The following COL17A1 variants were observed in gnomAD, a reference collection of about 807,000 sequenced individuals.
The protein encoded by COL17A1 is collagen alpha-1(XVII) chain.
COL17A1 carries 181 observed loss-of-function variants against 218.4 expected under a neutral mutation model. The observed-to-expected ratio is 0.83, with a 90% CI of 0.73 to 0.94. The LOEUF (loss-of-function observed/expected upper bound fraction) is 0.94. Ranked by LOEUF, COL17A1 falls within the 40% of genes least tolerant of loss-of-function variation. The pLI is 0.00. For synonymous variants in COL17A1, 721 were observed against 731.0 expected (o/e 0.99, Z 0.22); for missense variants, 1,924 against 1,945.9 (o/e 0.99, Z 0.21).
Position 104,049,488 on chromosome 10 carries a change from A to G in COL17A1, c.2165-17T>C. Reference sequence around the variant, plus strand: ...CAGGCTCGCCTGCAAAGGACAAAGAACTAGCTGGTTGGACACTTGCAAGCT... The same window carrying G: ...CAGGCTCGCCTGCAAAGGACAAAGAGCTAGCTGGTTGGACACTTGCAAGCT... On this transcript the variant is annotated splice_polypyrimidine_tract_variant and intron_variant, in intron 28 of 55. Coordinates refer to ENST00000648076, the MANE Select transcript of COL17A1 (RefSeq NM_000494.4). 3 of 1,614,118 alleles carry G rather than the reference A, an allele frequency of 1.9e-6. No homozygotes were observed. Among genetic ancestry groups the G allele is most frequent in the Non-Finnish European group, 2.5e-6 (3 of 1,179,930 alleles).
chr10:104,038,449 G>A lies in COL17A1; in HGVS notation c.3027C>T (p.Ser1009=), dbSNP rs1189020880. The A allele has an allele frequency of 6.2e-7, 1 of 1,614,106 alleles. No individual in the cohort carries two copies. Among genetic ancestry groups the A allele is most frequent in the South Asian group, 1.1e-5 (1 of 91,082 alleles). ...GPPGPPGSIS[S]SGQEIQQYIS... Reference sequence around the variant, plus strand: ...TGTACTGCTGAATCTCCTGGCCAGAGCTGCTGATAGAGCCCGGAGGCCCAG... The same window carrying A: ...TGTACTGCTGAATCTCCTGGCCAGAACTGCTGATAGAGCCCGGAGGCCCAG... Residue 1009 remains serine (S), a synonymous_variant, in exon 45 of 56, where the codon AGC becomes AGT. Coordinates refer to ENST00000648076, the MANE Select transcript of COL17A1 (RefSeq NM_000494.4).
At chr10:104,042,360 T>C (rs566332439) in intron 36 of COL17A1, 60 bp downstream of exon 36, 2 of 1,578,862 alleles carry the variant, frequency 1.3e-6, no homozygotes, top group Admixed American at 1.7e-5. Context: ...ATGTCCACCC[T>C]GAGAGGAAAG....
rs753945884 is a variant in COL17A1 at position 104,041,468 on chromosome 10, G to A, written c.2605+17C>T. The A allele has an allele frequency of 3.1e-6, 5 of 1,610,002 alleles. No homozygotes were observed. Among genetic ancestry groups the A allele is most frequent in the East Asian group, 2.2e-5 (1 of 44,662 alleles). On this transcript the variant is annotated intron_variant, in intron 37 of 55. Coordinates refer to ENST00000648076, the MANE Select transcript of COL17A1 (RefSeq NM_000494.4). Reference sequence around the variant, plus strand: ...CCCCCAAACTCCCCACCTTCCAAAGGTCTCCAAGATACTCACCTGGTGGCC... The same window carrying A: ...CCCCCAAACTCCCCACCTTCCAAAGATCTCCAAGATACTCACCTGGTGGCC...
At chr10:104,062,397 C>G in intron 11 of COL17A1, 68 bp from the exon 12 acceptor site, 1 of 1,605,478 alleles carries the variant, frequency 6.2e-7, no homozygotes, top group Non-Finnish European at 8.5e-7. Flanking sequence ...TAGGACGGCC[C>G]CCAGAGTCCC....
chr10:104,054,636 G>A (rs774771999), intron 20 of COL17A1, among the ~76,000 whole-genome samples: 2 of 152,166 alleles, frequency 1.3e-5, no homozygotes, highest in Non-Finnish European at 2.9e-5. Flanking sequence ...TGAACGTGGT[G>A]CTCAGTATTC....
At chr10:104,053,859 A>G (rs2086493823) in intron 22 of COL17A1, 61 bp downstream of exon 22, 1 of 985,694 alleles carries the variant, frequency 1.0e-6, no homozygotes, top group South Asian at 1.4e-5. Flanking sequence ...CACTTAATGA[A>G]TGTTTATTAA....
intron 35 of COL17A1, 149 bp downstream of exon 35, chr10:104,043,352 C>T: frequency 1.3e-6 from 1 of 749,180 alleles, no homozygotes; most frequent in Non-Finnish European, 2.4e-6. Flanking sequence ...TCTGAGAATG[C>T]AAGAGTTTGC....
At chr10:104,083,663 C>A (rs149187230) in intron 1 of COL17A1, among the ~76,000 whole-genome samples, 26 of 152,314 alleles carry the variant, frequency 1.7e-4, no homozygotes, top group Admixed American at 4.6e-4. Context: ...AACATACACA[C>A]ACACACAAGG....
Position 104,039,614 on chromosome 10 carries a change from T to C in COL17A1, c.2815A>G (p.Thr939Ala), listed in dbSNP as rs764009636. Residue 939 changes from threonine to alanine, a missense_variant, in exon 42 of 56, where the codon ACC becomes GCC. By Grantham distance (58) the Thr-to-Ala change is moderately conservative. Coordinates refer to ENST00000648076, the MANE Select transcript of COL17A1 (RefSeq NM_000494.4). ...QGEQGLPGFS[T>A]SGSSSFGLNL... is the part of the protein sequence containing the mutation. ...GGCGGGGTTCAGCCCTTACCTGAGG[T>C]TGAGAAACCTGGGAGGCCTTGCTCG... 17 of 1,613,920 alleles carry C rather than the reference T, an allele frequency of 1.1e-5. No individual in the cohort carries two copies. Among genetic ancestry groups the C allele is most frequent in the Admixed American group, 8.3e-5 (5 of 59,988 alleles).
intron 33 of COL17A1, 27 bp from the exon 34 acceptor site, chr10:104,043,887 T>G (rs750306019): frequency 3.7e-6 from 6 of 1,613,802 alleles, no homozygotes; most frequent in Non-Finnish European, 5.1e-6. Flanking sequence ...AGGCTGAGAG[T>G]GGTTGTTCTG....
chr10:104,076,459 G>A, intron 4 of COL17A1, 30 bp from the exon 5 acceptor site: 1 of 1,613,568 alleles, frequency 6.2e-7, no homozygotes, highest in Non-Finnish European at 8.5e-7. Flanking sequence ...TAAGTTCTCA[G>A]TGCTTCAGCA....
chr10:104,068,277 G>C (rs1166179180), intron 9 of COL17A1, among the ~76,000 whole-genome samples: 2 of 57,050 alleles, frequency 3.5e-5, no homozygotes, highest in African/African-American at 5.0e-5. Context: ...GAATAAAGAG[G>C]CATCAAATCA....
At chr10:104,047,614 A>G in intron 31 of COL17A1, 125 bp downstream of exon 31, 2 of 798,236 alleles carry the variant, frequency 2.5e-6, no homozygotes, top group Non-Finnish European at 4.4e-6. Flanking sequence ...AACCATGCAC[A>G]TATACACCCC....
At chr10:104,067,651 C>T (rs1009609990) in intron 9 of COL17A1, among the ~76,000 whole-genome samples, 2 of 151,992 alleles carry the variant, frequency 1.3e-5, no homozygotes, top group Non-Finnish European at 2.9e-5. Context: ...GCAAGGGAGC[C>T]GGCTGTGCAG....
chr10:104,056,512 G>A (rs542660414), intron 17 of COL17A1, among the ~76,000 whole-genome samples: 1 of 152,190 alleles, frequency 6.6e-6, no homozygotes, highest in South Asian at 2.1e-4. Flanking sequence ...AACTCAGGAG[G>A]CGGAGGTTGC....
chr10:104,056,396 C>T (rs1345216560), intron 17 of COL17A1, among the ~76,000 whole-genome samples: 2 of 152,062 alleles, frequency 1.3e-5, no homozygotes, highest in African/African-American at 2.4e-5. Flanking sequence ...TCCTGGCTAA[C>T]ACAGTGAAAC....
intron 46 of COL17A1, among the ~76,000 whole-genome samples, chr10:104,037,368 C>CA (rs1263612105): frequency 6.6e-6 from 1 of 151,252 alleles, no homozygotes; most frequent in African/African-American, 2.4e-5. Flanking sequence ...TGCCAACCTT[C>CA]ATGCACAGGT....
chr10:104,067,461 T>C (rs1202074184), intron 9 of COL17A1, among the ~76,000 whole-genome samples: 2 of 151,552 alleles, frequency 1.3e-5, no homozygotes, highest in Non-Finnish European at 2.9e-5. Context: ...AAAAAGTTGA[T>C]GGATGGAATA....
rs140591267 is a variant in COL17A1, at chr10:104,053,980, T to C, written c.1774A>G (p.Ile592Val). The change falls in exon 22 of 56, where the codon ATC (isoleucine) becomes GTC (valine). Residue 592 changes from isoleucine to valine, a missense_variant and splice_region_variant. Transcript: ENST00000648076. ...CCTGGGTGGCCCAAGGGCCCAGGGATACCTGTGAACACACAAGGATATCTC... is the reference window on the plus strand; with the variant it reads ...CCTGGGTGGCCCAAGGGCCCAGGGACACCTGTGAACACACAAGGATATCTC... ...GDRGFPGTPG[I>V]PGPLGHPGPQ... 19 of 1,612,032 alleles carry C rather than the reference T, an allele frequency of 1.2e-5. No individual in the cohort carries two copies. Among genetic ancestry groups the C allele is most frequent in the African/African-American group, 4.0e-5 (3 of 74,916 alleles).
Sources: allele counts gnomAD v4.1 joint callset (sites outside exome capture counted in the v4.1 genomes callset), GRCh38; gene constraint gnomAD v4.1.1; transcripts MANE v1.5; gene names NCBI Gene and HGNC (gene_info 2026-07-23, HGNC 2026-07-21).